The following SLC9A4 variants were observed in gnomAD, a reference collection of about 807,000 sequenced individuals.
The protein encoded by SLC9A4 is sodium/hydrogen exchanger 4.
In SLC9A4, 63 loss-of-function variants were observed where a neutral mutation model predicts 67.4. That is an observed-to-expected ratio of 0.93 (90% confidence interval 0.76 to 1.15). The LOEUF (loss-of-function observed/expected upper bound fraction) is 1.15, where lower values mean the gene tolerates loss of function less well. SLC9A4 is among the 50% of genes most tolerant of loss of function. The probability of loss-of-function intolerance (pLI) is 0.00; values close to 1 mark genes in which losing one functional copy is unlikely to be tolerated. For missense variants in SLC9A4, 1,089 were observed against 987.7 expected (o/e 1.10, Z -1.38); for synonymous variants, 393 against 367.2 (o/e 1.07, Z -0.80).
rs192415587 is a variant in SLC9A4, at chr2:102,474,356, T to C, written c.256+341T>C. ...ATAAAGCACGTAGACCTGGGCATGA[T>C]GCAAGGTGGAAATTTCAGGAAACAC... is the stretch of plus-strand genomic sequence containing the variant. On this transcript the variant is annotated intron_variant, in intron 1 of 11. Transcript: ENST00000295269. Among the ~76,000 whole-genome samples the C allele has an allele frequency of 3.7e-4, 57 of 152,348 alleles. 1 individual carries two copies. Among genetic ancestry groups the C allele is most frequent in the Admixed American group, 3.3e-3 (51 of 15,298 alleles).
chr2:102,476,653 A>C (rs1684339282), intron 1 of SLC9A4, among the ~76,000 whole-genome samples: 1 of 152,120 alleles, frequency 6.6e-6, no homozygotes, highest in Non-Finnish European at 1.5e-5. Flanking sequence ...TGGTTAAAAT[A>C]AGCACTAACT....
chr2:102,490,297 C>T (rs183116497), intron 2 of SLC9A4, among the ~76,000 whole-genome samples: 243 of 152,322 alleles, frequency 1.6e-3, no homozygotes, highest in Middle Eastern at 0.014. Context: ...GGGGCTGAAA[C>T]AATCTCTGAA....
chr2:102,481,200 C>A (rs1009744115), intron 2 of SLC9A4, among the ~76,000 whole-genome samples: 2 of 152,118 alleles, frequency 1.3e-5, no homozygotes, highest in East Asian at 1.9e-4. Flanking sequence ...TAATATCAAA[C>A]CTTAATTTCA....
rs759891329 is a variant in SLC9A4, at chr2:102,532,488, C to A, written c.2197C>A (p.Gln733Lys). The change falls in exon 12 of 12, where the codon CAA (glutamine) becomes AAA (lysine). Residue 733 changes from glutamine to lysine, a missense_variant. By Grantham distance (53) the Gln-to-Lys change is moderately conservative (BLOSUM62 1). Coordinates refer to ENST00000295269, the MANE Select transcript of SLC9A4 (RefSeq NM_001011552.4). ...CTTTGGTTATCAAAGAAACACAAGC[C>A]AAGAAGAGTACTTGGGTGGAGTAAG... ...FSFGYQRNTSQEEYLGGVRRV... is the reference protein window; with the variant it reads ...FSFGYQRNTSKEEYLGGVRRV... 1 of 1,614,100 alleles carries A rather than the reference C, an allele frequency of 6.2e-7. No homozygotes were observed. The highest frequency in any genetic ancestry group is 8.5e-7 in the Non-Finnish European group (1 of 1,180,008).
chr2:102,523,612 T>C (rs1300185005), intron 9 of SLC9A4, among the ~76,000 whole-genome samples: 2 of 152,218 alleles, frequency 1.3e-5, no homozygotes, highest in Non-Finnish European at 2.9e-5. Context: ...TTGTGGCACT[T>C]TTTGGAGTGT....
chr2:102,511,669 A>G (rs1057415695), intron 6 of SLC9A4, among the ~76,000 whole-genome samples: 3 of 152,038 alleles, frequency 2.0e-5, no homozygotes, highest in African/African-American at 7.2e-5. Flanking sequence ...TTAAGTGGTC[A>G]TATGTAATTA....
intron 2 of SLC9A4, among the ~76,000 whole-genome samples, chr2:102,492,294 A>T (rs563447434): frequency 6.6e-6 from 1 of 152,104 alleles, no homozygotes; most frequent in Non-Finnish European, 1.5e-5. Flanking sequence ...GGGGGCTCCA[A>T]CTCCACATTT....
chr2:102,532,326 C>A lies in SLC9A4; in HGVS notation c.2039-4C>A. 1 of 1,607,476 alleles carries A rather than the reference C, an allele frequency of 6.2e-7. No homozygotes were observed. Among genetic ancestry groups the A allele is most frequent in the Non-Finnish European group, 8.5e-7 (1 of 1,176,294 alleles). On this transcript the variant is annotated splice_region_variant and splice_polypyrimidine_tract_variant and intron_variant, in intron 11 of 11. Transcript: ENST00000295269. Reference sequence around the variant, plus strand: ...TTCCCCTTCTTGCCATGATGTTTTCCTAGATGATGACAGCAGTGATCCAGG... The same window carrying A: ...TTCCCCTTCTTGCCATGATGTTTTCATAGATGATGACAGCAGTGATCCAGG...
Position 102,474,033 on chromosome 2 carries a change from T to G in SLC9A4, c.256+18T>G. Reference sequence around the variant, plus strand: ...AAAAATAGGTAAGTCCTTAAACACCTGGTTTGGTGAGTTATCTTTTTACAT... The same window carrying G: ...AAAAATAGGTAAGTCCTTAAACACCGGGTTTGGTGAGTTATCTTTTTACAT... On this transcript the variant is annotated intron_variant, in intron 1 of 11. Transcript: ENST00000295269. 1.2e-6 allele frequency: 2 copies of G among 1,607,382 alleles called. No individual in the cohort carries two copies. Among genetic ancestry groups the G allele is most frequent in the African/African-American group, 1.3e-5 (1 of 74,780 alleles).
intron 2 of SLC9A4, among the ~76,000 whole-genome samples, chr2:102,490,362 A>T (rs562042385): frequency 7.2e-5 from 11 of 152,330 alleles, no homozygotes; most frequent in Admixed American, 1.3e-4. Context: ...CAAGAACAAG[A>T]TGTGGGCAGG....
rs752071196 is a variant in SLC9A4 at position 102,505,440 on chromosome 2, C to T, written c.1167C>T (p.Thr389=). 4 of 1,614,046 alleles carry T rather than the reference C, an allele frequency of 2.5e-6. No individual in the cohort carries two copies. The highest frequency in any genetic ancestry group is 8.5e-7 in the Non-Finnish European group (1 of 1,180,040). Residue 389 remains threonine, a synonymous_variant, in exon 4 of 12, where the codon ACC becomes ACT. Transcript: ENST00000295269. ...HEWNWAFICF[T]LAFCQIWRAI... is the part of the protein sequence containing the mutation. ...GGAACTGGGCCTTCATCTGCTTCAC[C>T]CTGGCCTTCTGCCAAATCTGGAGAG...
At position 102,505,241 on chromosome 2, in the gene SLC9A4, G is replaced by C; in HGVS notation, c.981-13G>C. The C allele has an allele frequency of 6.2e-7, 1 of 1,611,370 alleles. No homozygotes were observed. The highest frequency in any genetic ancestry group is 8.5e-7 in the Non-Finnish European group (1 of 1,178,548). On this transcript the variant is annotated splice_polypyrimidine_tract_variant and intron_variant, in intron 3 of 11. Transcript: ENST00000295269. ...CCTCATGGATTTTCTCTGAGACTCT[G>C]CTCCTTTTATAGAATCACAGCCTGC...
intron 2 of SLC9A4, among the ~76,000 whole-genome samples, chr2:102,491,666 A>T (rs1421998255): frequency 6.6e-6 from 1 of 152,028 alleles, no homozygotes; most frequent in Non-Finnish European, 1.5e-5. Context: ...TCAAGATGAG[A>T]TTTGGGTGGG....
chr2:102,532,590 A>G lies in SLC9A4; in HGVS notation c.2299A>G (p.Lys767Glu). ...EGESGGESEGKASLVEVRSRW... is the reference protein window; with the variant it reads ...EGESGGESEGEASLVEVRSRW... ...TGAGTCTGGAGGGGAGAGTGAGGGC[A>G]AGGCCTCTTTGGTTGAGGTTCGGTC... is the stretch of plus-strand genomic sequence containing the variant. Residue 767 changes from lysine (K) to glutamate (E), a missense_variant, in exon 12 of 12, where the codon AAG becomes GAG. Lys to Glu is a moderately conservative substitution (Grantham distance 56, BLOSUM62 1). Coordinates refer to ENST00000295269, the MANE Select transcript of SLC9A4 (RefSeq NM_001011552.4). 1.2e-6 allele frequency: 2 copies of G among 1,614,072 alleles called. No homozygotes were observed. Among genetic ancestry groups the G allele is most frequent in the Non-Finnish European group, 1.7e-6 (2 of 1,179,972 alleles).
At chr2:102,484,278 C>A (rs1684538229) in intron 2 of SLC9A4, among the ~76,000 whole-genome samples, 1 of 152,038 alleles carries the variant, frequency 6.6e-6, no homozygotes, top group African/African-American at 2.4e-5. Flanking sequence ...TTTTCCTTAC[C>A]TTTTGAATTT....
chr2:102,532,377 T>C lies in SLC9A4; in HGVS notation c.2086T>C (p.Cys696Arg). ...PGSPSITFSA[C>R]SRIGSLQKQE... ...ATCCCCATCCATCACGTTCAGCGCA[T>C]GCTCTCGGATAGGGTCACTTCAGAA... Residue 696 changes from cysteine to arginine, a missense_variant, in exon 12 of 12, where the codon TGC (cysteine) becomes CGC (arginine). By Grantham distance (180) the Cys-to-Arg change is radical. Transcript: ENST00000295269. 1.2e-6 allele frequency: 2 copies of C among 1,614,180 alleles called. No individual in the cohort carries two copies. Among genetic ancestry groups the C allele is most frequent in the Non-Finnish European group, 1.7e-6 (2 of 1,180,034 alleles).
chr2:102,508,882 T>C lies in SLC9A4; in HGVS notation c.1437T>C (p.Asp479=). The C allele has an allele frequency of 7.4e-6, 12 of 1,613,390 alleles. No individual in the cohort carries two copies. Among genetic ancestry groups the C allele is most frequent in the African/African-American group, 1.3e-5 (1 of 74,980 alleles). The change falls in exon 6 of 12, where the codon GAT becomes GAC. Residue 479 remains aspartate (D), a synonymous_variant. Transcript: ENST00000295269. ...TTGGCCCTCTGGTCAGGTACCTGGA[T>C]GTTAAAAAAACCAATAAAAAAGAAT... is the stretch of plus-strand genomic sequence containing the variant. The part of the protein sequence containing the change: ...ITVGPLVRYL[D]VKKTNKKESI...
At chr2:102,515,195 G>A (rs1425843740) in intron 8 of SLC9A4, among the ~76,000 whole-genome samples, 3 of 151,890 alleles carry the variant, frequency 2.0e-5, no homozygotes, top group Non-Finnish European at 4.4e-5. Context: ...CTTCAATTAT[G>A]TCTTCACATT....
chr2:102,495,035 A>C (rs1263476238), intron 2 of SLC9A4, among the ~76,000 whole-genome samples: 1 of 152,052 alleles, frequency 6.6e-6, no homozygotes. Context: ...ACTCAACATT[A>C]TTTTCAAGGG....
Sources: allele counts gnomAD v4.1 joint callset (sites outside exome capture counted in the v4.1 genomes callset), GRCh38; gene constraint gnomAD v4.1.1; transcripts MANE v1.5; gene names NCBI Gene and HGNC (gene_info 2026-07-23, HGNC 2026-07-21).